SCN4A: variants seen among roughly 807,000 people sequenced by gnomAD.
SCN4A encodes sodium voltage-gated channel alpha subunit 4.
SCN4A carries 83 observed loss-of-function variants against 162.0 expected under a neutral mutation model. The observed-to-expected ratio is 0.51, with a 90% CI of 0.43 to 0.61. The LOEUF (loss-of-function observed/expected upper bound fraction) is 0.61, where lower values mean the gene tolerates loss of function less well. Among genes scored for constraint, SCN4A ranks in the 20% least tolerant of loss-of-function variants. The pLI is 0.00. For synonymous variants in SCN4A, 944 were observed against 985.1 expected (o/e 0.96, Z 0.78); for missense variants, 2,196 against 2,462.5 (o/e 0.89, Z 2.29).
At chr17:63,954,603 G>C (rs1001360923) in intron 13 of SCN4A, among the ~76,000 whole-genome samples, 3 of 152,226 alleles carry the variant, frequency 2.0e-5, no homozygotes, top group Non-Finnish European at 4.4e-5. Context: ...AAGTGACCAA[G>C]TGCCATAGGT....
intron 5 of SCN4A, among the ~76,000 whole-genome samples, chr17:63,969,029 G>C (rs1345677530): frequency 6.6e-6 from 1 of 152,108 alleles, no homozygotes; most frequent in Non-Finnish European, 1.5e-5. Flanking sequence ...TTTTAGTAGG[G>C]ATGAGGTTTC....
In SCN4A at chr17:63,947,973, C is replaced by T. The variant is rs760557760; in HGVS notation, c.3235G>A (p.Glu1079Lys). The change falls in exon 17 of 24, where the codon GAG becomes AAG. Residue 1079 changes from glutamate to lysine, a missense_variant. Glu to Lys is a moderately conservative substitution (Grantham distance 56). Transcript: ENST00000435607. Reference protein sequence around the residue: ...DKVFTYIFIMEMLLKWVAYGF... With the variant: ...DKVFTYIFIMKMLLKWVAYGF... The stretch of plus-strand genomic sequence containing the variant: ...TAGGCCACCCATTTGAGCAGCATCT[C>T]CATGATGAAGATGTAGGTGAAGACC... 1 of 1,613,814 alleles carries T rather than the reference C, an allele frequency of 6.2e-7. No individual in the cohort carries two copies. The highest frequency in any genetic ancestry group is 8.5e-7 in the Non-Finnish European group (1 of 1,179,728).
intron 17 of SCN4A, 108 bp downstream of exon 17, chr17:63,947,781 TG>T: frequency 4.7e-6 from 5 of 1,074,628 alleles, no homozygotes; most frequent in Non-Finnish European, 4.0e-6. Context: ...GGTCTGACTC[TG>T]GGGGTGGCCT....
chr17:63,961,408 A>C lies in SCN4A; in HGVS notation c.1630T>G (p.Cys544Gly). ...MEELEEAHQK[C>G]PPWWYKCAHK... is the part of the protein sequence containing the mutation. ...GCGCACTTGTACCACCATGGTGGGC[A>C]CTTTTGGTGGGCCTCTTCCAGTTCT... The change falls in exon 11 of 24, where the codon TGC becomes GGC. Residue 544 changes from cysteine to glycine, a missense_variant. Physicochemically the swap from Cys to Gly is radical, Grantham distance 159. Transcript: ENST00000435607. 1 of 1,613,358 alleles carries C rather than the reference A, an allele frequency of 6.2e-7. No individual in the cohort carries two copies. The highest frequency in any genetic ancestry group is 8.5e-7 in the Non-Finnish European group (1 of 1,179,442).
intron 3 of SCN4A, 72 bp from the exon 4 acceptor site, chr17:63,971,922 C>A: frequency 6.6e-7 from 1 of 1,506,680 alleles, no homozygotes; most frequent in Non-Finnish European, 9.2e-7. Flanking sequence ...GACAGACCCC[C>A]AGAAGGGAGG....
chr17:63,956,627 CTG>C (rs1440719255), intron 13 of SCN4A, among the ~76,000 whole-genome samples: 1 of 152,242 alleles, frequency 6.6e-6, no homozygotes, highest in Non-Finnish European at 1.5e-5. Flanking sequence ...CCCCACAAAA[CTG>C]TGCCTTTGTA....
chr17:63,954,213 C>T (rs1909004208), intron 13 of SCN4A, among the ~76,000 whole-genome samples: 1 of 152,208 alleles, frequency 6.6e-6, no homozygotes, highest in Non-Finnish European at 1.5e-5. Context: ...TGATTATATT[C>T]TGTTAATCAT....
chr17:63,950,671 C>T lies in SCN4A; in HGVS notation c.2853+753G>A, dbSNP rs1317057329. ...TGGGCAGGGGCCCTCGTCCTAGCTC[C>T]TGTATGAGTCCTTTCCCTGCCAGAG... On this transcript the variant is annotated intron_variant, in intron 14 of 23. Transcript: ENST00000435607. The surrounding 1 kb of genome is among the most constrained non-coding windows in gnomAD (Gnocchi z 4.6). 6.6e-6 allele frequency among the ~76,000 whole-genome samples: 1 copy of T among 152,244 alleles called. No homozygotes were observed. The highest frequency in any genetic ancestry group is 6.5e-5 in the Admixed American group (1 of 15,290).
At position 63,951,299 on chromosome 17, in the gene SCN4A, A is replaced by G; in HGVS notation, c.2853+125T>C. 1 of 670,742 alleles carries G rather than the reference A, an allele frequency of 1.5e-6. No individual in the cohort carries two copies. The highest frequency in any genetic ancestry group is 2.5e-6 in the Non-Finnish European group (1 of 394,518). 41.5% of individuals were successfully genotyped at this position (670,742 alleles called of 1,614,324 possible). ...CAGCGTCTCACATAATGCTTGCAACAATGCCATAGGGCACCACCCCCATTT... is the reference window on the plus strand; with the variant it reads ...CAGCGTCTCACATAATGCTTGCAACGATGCCATAGGGCACCACCCCCATTT... On this transcript the variant is annotated intron_variant, in intron 14 of 23. Transcript: ENST00000435607. The surrounding 1 kb of genome is among the most constrained non-coding windows in gnomAD (Gnocchi z 4.5).
rs746749167 is a variant in SCN4A at position 63,968,273 on chromosome 17, G to A, written c.786C>T (p.Ser262=). ...GCTGCAGTCCTACCAGCGCAAAGAC[G>A]CTCAGGCAGAAGACAGTGAGGATCA... ...DVMILTVFCL[S]VFALVGLQLF... The change falls in exon 6 of 24, where the codon AGC becomes AGT. Residue 262 remains serine (S), a synonymous_variant. Transcript: ENST00000435607. 21 of 1,613,716 alleles carry A rather than the reference G, an allele frequency of 1.3e-5. No homozygotes were observed. In the Admixed American group the frequency reaches 1.8e-4, roughly 14 times the overall value.
intron 3 of SCN4A, 118 bp from the exon 4 acceptor site, chr17:63,971,968 G>T: frequency 8.2e-7 from 1 of 1,223,876 alleles, no homozygotes; most frequent in Non-Finnish European, 1.2e-6. Context: ...AGGTGGCTAA[G>T]GACACTAGCG....
chr17:63,955,939 G>A (rs1170987598), intron 13 of SCN4A, among the ~76,000 whole-genome samples: 2 of 152,196 alleles, frequency 1.3e-5, no homozygotes, highest in Non-Finnish European at 2.9e-5. Flanking sequence ...GGGGACAGGC[G>A]TCTTCCCAGT....
intron 16 of SCN4A, among the ~76,000 whole-genome samples, chr17:63,948,343 C>G (rs1324187114): frequency 6.6e-6 from 1 of 152,166 alleles, no homozygotes; most frequent in African/African-American, 2.4e-5. Flanking sequence ...CAGTCCTGCG[C>G]CCCCAGTTCC....
intron 12 of SCN4A, among the ~76,000 whole-genome samples, chr17:63,957,732 G>A (rs920583964): frequency 2.6e-5 from 4 of 152,108 alleles, no homozygotes; most frequent in Admixed American, 2.6e-4. Flanking sequence ...GGCCAGGCGC[G>A]GTGGCTCACG....
chr17:63,967,067 G>C, intron 6 of SCN4A, among the ~76,000 whole-genome samples: 1 of 152,174 alleles, frequency 6.6e-6, no homozygotes, highest in Non-Finnish European at 1.5e-5. Flanking sequence ...GTGAGCATGT[G>C]AAAATGTGGT....
At chr17:63,947,314 G>A in intron 17 of SCN4A, 147 bp from the exon 18 acceptor site, 1 of 960,642 alleles carries the variant, frequency 1.0e-6, no homozygotes, top group Non-Finnish European at 1.6e-6. Flanking sequence ...GGTGGGAAGA[G>A]CAGCCCTGGG....
At chr17:63,953,358 T>TCAAAA (rs1173761665) in intron 13 of SCN4A, among the ~76,000 whole-genome samples, 4 of 150,352 alleles carry the variant, frequency 2.7e-5, no homozygotes, top group South Asian at 4.2e-4. Context: ...AGACTCCATC[T>TCAAAA]CAAAACAAAA....
In SCN4A at chr17:63,945,973, T is replaced by C. The variant is rs1567818306; in HGVS notation, c.3442-335A>G. Reference sequence around the variant, plus strand: ...GCTCAGCCCCCATAGGAAACTCAGCTCACGTGACCCAGCCCCTGCTCATGG... The same window carrying C: ...GCTCAGCCCCCATAGGAAACTCAGCCCACGTGACCCAGCCCCTGCTCATGG... On this transcript the variant is annotated intron_variant, in intron 18 of 23. Transcript: ENST00000435607. The surrounding 1 kb of genome is among the most constrained non-coding windows in gnomAD (Gnocchi z 4.4). Among the ~76,000 whole-genome samples the C allele has an allele frequency of 6.6e-6, 1 of 152,088 alleles. No homozygotes were observed. Among genetic ancestry groups the C allele is most frequent in the East Asian group, 1.9e-4 (1 of 5,170 alleles).
At chr17:63,956,474 C>A (rs1909075087) in intron 13 of SCN4A, among the ~76,000 whole-genome samples, 3 of 152,224 alleles carry the variant, frequency 2.0e-5, no homozygotes, top group African/African-American at 7.2e-5. Flanking sequence ...TGGTCTTGAA[C>A]TCCTGGCCTT....
Sources: allele counts gnomAD v4.1 joint callset (sites outside exome capture counted in the v4.1 genomes callset), GRCh38; gene constraint gnomAD v4.1.1; non-coding constraint Gnocchi (gnomAD v3.1); transcripts MANE v1.5; gene names NCBI Gene and HGNC (gene_info 2026-07-23, HGNC 2026-07-21).